Variants in PRR5 observed in about 807,000 individuals in gnomAD.
PRR5 encodes proline rich 5, also known as proline-rich protein 5.
PRR5 carries 25 observed loss-of-function variants against 30.6 expected under a neutral mutation model. That is an observed-to-expected ratio of 0.82 (90% CI 0.60 to 1.14). The LOEUF is 1.14. PRR5 is among the 50% of genes most tolerant of loss of function. The pLI, the probability that PRR5 is intolerant of heterozygous loss-of-function variation, is 0.00. For missense variants in PRR5, 600 were observed against 547.1 expected, an observed-to-expected ratio of 1.10 and a Z score of -0.96; for synonymous variants, 286 against 247.1, an observed-to-expected ratio of 1.16 and a Z score of -1.48.
At chr22:44,690,679 G>A (rs902357048) in intron 1 of PRR5, among the ~76,000 whole-genome samples, 5 of 152,212 alleles carry the variant, frequency 3.3e-5, no homozygotes, top group African/African-American at 1.2e-4. Context: ...TGGCTGCACA[G>A]CCCATGCTCT....
At chr22:44,679,893 T>C (rs1924112529) in intron 1 of PRR5, 2 of 1,571,780 alleles carry the variant, frequency 1.3e-6, no homozygotes, top group African/African-American at 2.7e-5. Context: ...CAGGTGCCAC[T>C]GTGCCGAAGG....
upstream of PRR5, chr22:44,677,049 T>C (rs1923824830): frequency 6.6e-6 from 1 of 152,336 alleles, no homozygotes; most frequent in Non-Finnish European, 1.5e-5. Context: ...CCTCCTAATG[T>C]GTAAGCCATT....
chr22:44,736,777 C>T lies in PRR5; in HGVS notation c.697C>T (p.Arg233Cys), dbSNP rs761889076. 66 of 1,537,618 alleles carry T rather than the reference C, an allele frequency of 4.3e-5. No homozygotes were observed. The East Asian group carries it at 1.4e-3, about 32-fold the overall frequency. ...GTGCCCGTGTCTCTCCCCAGAAAAG[C>T]GCCTCCTCCGCCGCTCCCGCTCGGG... The part of the protein sequence containing the change: ...PFTHSCILEK[R>C]LLRRSRSGDV... The change falls in exon 8 of 8, where the codon CGC becomes TGC. Residue 233 changes from arginine to cysteine, a missense_variant. Arg to Cys is a radical substitution (Grantham distance 180). Coordinates refer to ENST00000336985, the MANE Select transcript of PRR5 (RefSeq NM_181333.4).
chr22:44,677,706 G>A (rs1306009258), intron 1 of PRR5, among the ~76,000 whole-genome samples: 1 of 152,204 alleles, frequency 6.6e-6, no homozygotes, highest in African/African-American at 2.4e-5. Flanking sequence ...GGTGAGGGGA[G>A]TCAGAGGGGT....
upstream of PRR5, among the ~76,000 whole-genome samples, chr22:44,699,738 C>T (rs533719130): frequency 1.2e-4 from 19 of 152,212 alleles, no homozygotes; most frequent in Middle Eastern, 3.4e-3. Flanking sequence ...AGAGTGAAGG[C>T]GGTCAGAGAC....
chr22:44,695,519 C>G (rs939894965), intron 1 of PRR5, among the ~76,000 whole-genome samples: 1 of 152,144 alleles, frequency 6.6e-6, no homozygotes, highest in Admixed American at 6.6e-5. Flanking sequence ...TTCTTGTTAT[C>G]AGGCATTTTT....
At chr22:44,671,203 G>C (rs1923408017) in intron 1 of PRR5, among the ~76,000 whole-genome samples, 1 of 152,166 alleles carries the variant, frequency 6.6e-6, no homozygotes, top group South Asian at 2.1e-4. Flanking sequence ...GCCCAGAGGG[G>C]GGCCGCAGGG....
chr22:44,731,389 G>C, intron 4 of PRR5: 1 of 400,248 alleles, frequency 2.5e-6, no homozygotes, highest in South Asian at 2.6e-5. Context: ...TCACTTGTGT[G>C]GGTCTGGTAT....
At position 44,691,333 on chromosome 22, in the gene PRR5, G is replaced by A. The variant is rs1925219159; in HGVS notation, c.-10-11159G>A. The stretch of plus-strand genomic sequence containing the variant: ...ACTCAGAACCTCCATGTCCACCTCG[G>A]TGGCACGGAGAGGAGGCTACCCAGC... On this transcript the variant is annotated intron_variant, in intron 1 of 8. Coordinates refer to the PRR5 transcript ENST00000006251. This position sits in a 1 kb window ranked among gnomAD's most constrained non-coding sequence, Gnocchi z 4.4. Among the ~76,000 whole-genome samples, 1 of 152,146 alleles carries A rather than the reference G, an allele frequency of 6.6e-6. No individual in the cohort carries two copies. The highest frequency in any genetic ancestry group is 2.4e-5 in the African/African-American group (1 of 41,422).
At chr22:44,726,476 CT>C (rs1432625435) in intron 3 of PRR5, 100 bp from the exon 4 acceptor site, 1 of 1,560,564 alleles carries the variant, frequency 6.4e-7, no homozygotes, top group East Asian at 2.3e-5. Context: ...CCCTTTAAGC[CT>C]TGGCTGCTCA....
intron 1 of PRR5, among the ~76,000 whole-genome samples, chr22:44,682,345 G>A (rs1924370927): frequency 6.6e-6 from 1 of 152,198 alleles, no homozygotes; most frequent in Admixed American, 6.5e-5. Context: ...GAGAATGGGG[G>A]GAGGAGGAAG....
At chr22:44,685,270 C>G (rs1924643259) in intron 1 of PRR5, among the ~76,000 whole-genome samples, 2 of 152,132 alleles carry the variant, frequency 1.3e-5, no homozygotes, top group African/African-American at 2.4e-5. Flanking sequence ...GCTGGTGACC[C>G]TACATATCCC....
rs1052344575 is a variant in PRR5 at position 44,702,602 on chromosome 22, G to C, written c.128G>C (p.Trp43Ser). ...CGCCGGGCCTGCGCCAACGCCACCT[G>C]GAACAGGTAAGGCCGCGCCCTCCCG... The part of the protein sequence containing the change: ...QQRRACANAT[W>S]NSIHNGVIAV... The change falls in exon 1 of 8, where the codon TGG becomes TCG. Residue 43 changes from tryptophan (W) to serine (S), a missense_variant. Coordinates refer to ENST00000336985, the MANE Select transcript of PRR5 (RefSeq NM_181333.4). 2 of 1,366,186 alleles carry C rather than the reference G, an allele frequency of 1.5e-6. No individual in the cohort carries two copies. The highest frequency in any genetic ancestry group is 1.9e-6 in the Non-Finnish European group (2 of 1,058,150). The allele number at this position is 1,366,186 out of a possible 1,614,324, so 84.6% of individuals were successfully genotyped here. A position where few individuals can be genotyped will look rare whatever the true frequency, so the allele number is the denominator to read the frequency against.
chr22:44,736,831 C>G lies in PRR5; in HGVS notation c.751C>G (p.Arg251Gly). 3 of 1,592,738 alleles carry G rather than the reference C, an allele frequency of 1.9e-6. No individual in the cohort carries two copies. The highest frequency in any genetic ancestry group is 2.6e-6 in the Non-Finnish European group (3 of 1,164,882). ...CGTGCTGGCCAAGAACCCTGTGGTG[C>G]GCTCCAAGAGCTACAACACGCCTCT... ...GDVLAKNPVV[R>G]SKSYNTPLLN... The change falls in exon 8 of 8, where the codon CGC becomes GGC. Residue 251 changes from arginine to glycine, a missense_variant. Arg to Gly is a moderately radical substitution (Grantham distance 125, BLOSUM62 -2). Coordinates refer to ENST00000336985, the MANE Select transcript of PRR5 (RefSeq NM_181333.4).
chr22:44,733,157 A>G (rs538401183), intron 6 of PRR5, among the ~76,000 whole-genome samples: 1 of 152,380 alleles, frequency 6.6e-6, no homozygotes, highest in African/African-American at 2.4e-5. Flanking sequence ...CCCTCACAGC[A>G]GGTGGGGAGA....
intron 1 of PRR5, among the ~76,000 whole-genome samples, chr22:44,669,537 C>T (rs1167924181): frequency 6.6e-6 from 1 of 152,264 alleles, no homozygotes; most frequent in African/African-American, 2.4e-5. Context: ...GCAGGTCTGC[C>T]TGGCCACGGG....
intron 1 of PRR5, among the ~76,000 whole-genome samples, chr22:44,681,770 T>G (rs1924312497): frequency 6.6e-6 from 1 of 152,126 alleles, no homozygotes; most frequent in African/African-American, 2.4e-5. Flanking sequence ...GGGGGACACC[T>G]GTGCCTTGTG....
chr22:44,677,365 G>A (rs1923857015), intron 1 of PRR5: 1 of 152,496 alleles, frequency 6.6e-6, no homozygotes, highest in Admixed American at 6.5e-5. Context: ...CTGAGTCCAA[G>A]ACCCTGCTGT....
chr22:44,679,922 G>C (rs1569063470), intron 1 of PRR5: 1 of 1,540,832 alleles, frequency 6.5e-7, no homozygotes, highest in Admixed American at 2.0e-5. Context: ...GAGGGAGGCA[G>C]GTGTATGGGT....
Sources: allele counts gnomAD v4.1 joint callset (sites outside exome capture counted in the v4.1 genomes callset), GRCh38; gene constraint gnomAD v4.1.1; non-coding constraint Gnocchi (gnomAD v3.1); transcripts MANE v1.5; gene names NCBI Gene and HGNC (gene_info 2026-07-23, HGNC 2026-07-21).